Variants in ITGAE observed in about 807,000 individuals in gnomAD.
ITGAE encodes the protein integrin subunit alpha E, also known as integrin alpha-E.
ITGAE carries 99 observed loss-of-function variants against 136.5 expected under a neutral mutation model. The ratio of observed to expected loss-of-function variants is 0.73; its 90% CI spans 0.62 to 0.86. The LOEUF (loss-of-function observed/expected upper bound fraction) is 0.86, where lower values mean the gene tolerates loss of function less well. Ranked by LOEUF, ITGAE falls within the 40% of genes least tolerant of loss-of-function variation. The probability of loss-of-function intolerance (pLI) is 0.00; values close to 1 mark genes in which losing one functional copy is unlikely to be tolerated. For synonymous variants in ITGAE, 613 were observed against 591.8 expected, an observed-to-expected ratio of 1.04 and a Z score of -0.52; for missense variants, 1,447 against 1,515.3, an observed-to-expected ratio of 0.95 and a Z score of 0.75.
intron 2 of ITGAE, among the ~76,000 whole-genome samples, chr17:3,775,389 T>G (rs1472839591): frequency 1.3e-5 from 2 of 152,216 alleles, no homozygotes; most frequent in African/African-American, 4.8e-5. Flanking sequence ...TATCAGTATT[T>G]TTCCCATTTT....
chr17:3,722,959 T>C lies in ITGAE; in HGVS notation c.3237+329A>G, dbSNP rs534280219. 5.3e-5 allele frequency among the ~76,000 whole-genome samples: 8 copies of C among 152,308 alleles called. No homozygotes were observed. The East Asian group carries it at 9.6e-4, about 18-fold the overall frequency. On this transcript the variant is annotated intron_variant, in intron 28 of 30. Coordinates refer to ENST00000263087, the MANE Select transcript of ITGAE (RefSeq NM_002208.5). ...AACAGCCCTGGCAAGAAAGGGTAGC[T>C]TGAATTACAACGGCAGTGGAAATGG...
intron 20 of ITGAE, among the ~76,000 whole-genome samples, chr17:3,739,480 G>A (rs1029803179): frequency 2.6e-5 from 4 of 152,190 alleles, no homozygotes; most frequent in African/African-American, 9.6e-5. Flanking sequence ...CTGAGGTAGA[G>A]GTCAGCCTGG....
In ITGAE at chr17:3,731,084, G is replaced by A. The variant is rs1395224645; in HGVS notation, c.2834+20C>T. 2.5e-6 allele frequency: 4 copies of A among 1,594,510 alleles called. No homozygotes were observed. The highest frequency in any genetic ancestry group is 2.7e-5 in the African/African-American group (2 of 74,552). ...TCCGGGGTCATAGCCTGACTCTGCT[G>A]TGACCCAGGCAGTACTTACTTGGTG... On this transcript the variant is annotated intron_variant, in intron 23 of 30. Transcript: ENST00000263087.
chr17:3,758,599 C>T (rs1441545988), intron 8 of ITGAE, among the ~76,000 whole-genome samples: 1 of 152,008 alleles, frequency 6.6e-6, no homozygotes, highest in Non-Finnish European at 1.5e-5. Context: ...ATTACAGGCA[C>T]CTGCCACCAC....
At chr17:3,741,086 T>C (rs1157965887) in intron 19 of ITGAE, among the ~76,000 whole-genome samples, 1 of 140,378 alleles carries the variant, frequency 7.1e-6, no homozygotes, top group Admixed American at 7.1e-5. Flanking sequence ...TTTTTTTTTT[T>C]TTTTTTTTTG....
intron 20 of ITGAE, among the ~76,000 whole-genome samples, chr17:3,739,405 C>G (rs1172062706): frequency 6.6e-6 from 1 of 152,186 alleles, no homozygotes; most frequent in Non-Finnish European, 1.5e-5. Flanking sequence ...AGTAGATGGT[C>G]CAGAAATATT....
At position 3,753,361 on chromosome 17, in the gene ITGAE, G is replaced by A. The variant is rs2143020790; in HGVS notation, c.1597C>T (p.Leu533=). ...ACGTGGTAAAATGGAGCAGCCACCA[G>A]CAAGAAGTCCGTGCTTCCATCCATG... ...IDMDGSTDFL[L]VAAPFYHVHG... is the part of the protein sequence containing the mutation. The change falls in exon 14 of 31, where the codon CTG becomes TTG. Residue 533 remains leucine, a synonymous_variant. Transcript: ENST00000263087. 1 of 1,614,172 alleles carries A rather than the reference G, an allele frequency of 6.2e-7. No homozygotes were observed. Among genetic ancestry groups the A allele is most frequent in the East Asian group, 2.2e-5 (1 of 44,884 alleles).
rs1225194295 is a variant in ITGAE, at chr17:3,753,282, T to C, written c.1668+8A>G. 1 of 1,612,734 alleles carries C rather than the reference T, an allele frequency of 6.2e-7. No individual in the cohort carries two copies. The highest frequency in any genetic ancestry group is 1.7e-5 in the Admixed American group (1 of 59,938). ...TCAGCAAGCTCATGAAGATGGAGAC[T>C]CTCCCACCTGCTCGCTGAGACGGTA... On this transcript the variant is annotated splice_region_variant and intron_variant, in intron 14 of 30. Transcript: ENST00000263087.
At chr17:3,750,265 G>A in intron 16 of ITGAE, 87 bp downstream of exon 16, 1 of 1,539,740 alleles carries the variant, frequency 6.5e-7, no homozygotes, top group South Asian at 1.2e-5. Context: ...CCCTCCCTCA[G>A]TGCCTAATGT....
rs140806190 is a variant in ITGAE at position 3,797,773 on chromosome 17, G to A, written c.34+3338C>T. Among the ~76,000 whole-genome samples, 759 of 152,216 alleles carry A rather than the reference G, an allele frequency of 5.0e-3. 5 individuals carry two copies. Among genetic ancestry groups the A allele is most frequent in the African/African-American group, 0.017 (721 of 41,526 alleles). On this transcript the variant is annotated intron_variant, in intron 1 of 30. Coordinates refer to ENST00000263087, the MANE Select transcript of ITGAE (RefSeq NM_002208.5). ...ACCGTGCCTGGCCAGGAAACTAAACGTTTCTCATGAGTGTGTCCTCCTCCC... is the reference window on the plus strand; with the variant it reads ...ACCGTGCCTGGCCAGGAAACTAAACATTTCTCATGAGTGTGTCCTCCTCCC...
In ITGAE at chr17:3,724,669, T is replaced by C; in HGVS notation, c.3085-925A>G. ...ACCCGCGCCAGCCTCAGGTCAGTTC[T>C]CTTTGGCCTTATGAACTCAGGAACC... On this transcript the variant is annotated intron_variant, in intron 26 of 30. Transcript: ENST00000263087. 6.2e-6 allele frequency: 10 copies of C among 1,614,206 alleles called. No homozygotes were observed. Among genetic ancestry groups the C allele is most frequent in the Non-Finnish European group, 8.5e-6 (10 of 1,180,032 alleles).
At position 3,753,906 on chromosome 17, in the gene ITGAE, C is replaced by T; in HGVS notation, c.1404G>A (p.Leu468=). 6.2e-7 allele frequency: 1 copy of T among 1,614,040 alleles called. No individual in the cohort carries two copies. Among genetic ancestry groups the T allele is most frequent in the Non-Finnish European group, 8.5e-7 (1 of 1,179,998 alleles). The part of the protein sequence containing the change: ...YSYLGYAVAV[L]HKTCSLSYIA... ...TGTAGGAGAGGCTGCAGGTCTTGTG[C>T]AGCACGGCCACAGCGTAACCTGGGG... The change falls in exon 13 of 31, where the codon CTG becomes CTA. Residue 468 remains leucine, a synonymous_variant. Coordinates refer to ENST00000263087, the MANE Select transcript of ITGAE (RefSeq NM_002208.5).
At chr17:3,774,600 C>T (rs1413426056) in intron 2 of ITGAE, among the ~76,000 whole-genome samples, 2 of 151,998 alleles carry the variant, frequency 1.3e-5, no homozygotes, top group South Asian at 2.1e-4. Context: ...CCTGTTTCTA[C>T]TAAAAATACA....
chr17:3,787,470 G>C (rs2052827551), intron 1 of ITGAE, among the ~76,000 whole-genome samples: 1 of 152,040 alleles, frequency 6.6e-6, no homozygotes. Flanking sequence ...TGTTGCCCAG[G>C]CTGATTTCAT....
intron 1 of ITGAE, among the ~76,000 whole-genome samples, chr17:3,783,265 G>A (rs971311003): frequency 3.9e-5 from 6 of 152,040 alleles, no homozygotes; most frequent in African/African-American, 4.8e-5. Flanking sequence ...CTCAGTCTCC[G>A]GAGTAGCTGG....
rs986312485 is a variant in ITGAE, at chr17:3,759,349, G to A, written c.866+53C>T. 1.3e-5 allele frequency: 21 copies of A among 1,586,658 alleles called. No individual in the cohort carries two copies. The African/African-American group carries it at 2.7e-4, about 20-fold the overall frequency. ...GCCAGCCACTTCCTCCATGAGTGAT[G>A]CCACAGAGACTCTGGGCATGGCCAG... On this transcript the variant is annotated intron_variant, in intron 8 of 30. Transcript: ENST00000263087.
intron 1 of ITGAE, among the ~76,000 whole-genome samples, chr17:3,784,840 G>A (rs2052747305): frequency 6.6e-6 from 1 of 152,150 alleles, no homozygotes; most frequent in African/African-American, 2.4e-5. Flanking sequence ...ATAACAAAAA[G>A]AAAACTAGAG....
intron 11 of ITGAE, 52 bp downstream of exon 11, chr17:3,755,778 C>T: frequency 6.6e-7 from 1 of 1,513,818 alleles, no homozygotes; most frequent in South Asian, 1.2e-5. Context: ...CCTAGGTGTC[C>T]TGGGCCCCTC....
intron 1 of ITGAE, among the ~76,000 whole-genome samples, chr17:3,796,095 GTGTGTGTGCATCCC>G (rs1567565575): frequency 2.5e-5 from 2 of 80,258 alleles, no homozygotes; most frequent in African/African-American, 1.4e-4. Flanking sequence ...GTATGCATCC[GTGTGTGTGCATCCC>G]TGTGTGCATC....
Sources: gnomAD v4.1 joint callset for allele counts (sites outside exome capture counted in the v4.1 genomes callset) on GRCh38, gnomAD v4.1.1 for gene constraint, MANE v1.5 for transcripts, NCBI Gene and HGNC (gene_info 2026-07-23, HGNC 2026-07-21) for gene names.